CERS6: variants seen among roughly 807,000 people sequenced by gnomAD.
The protein encoded by CERS6 is LAG1 homolog, ceramide synthase 6.
CERS6 carries 26 observed loss-of-function variants against 56.8 expected under a neutral mutation model. The ratio of observed to expected loss-of-function variants is 0.46; its 90% CI spans 0.34 to 0.63. The LOEUF (loss-of-function observed/expected upper bound fraction) is 0.63. Among genes scored for constraint, CERS6 ranks in the 30% least tolerant of loss-of-function variants. CERS6 has a pLI of 0.01. For synonymous variants in CERS6, 164 were observed against 173.3 expected (o/e 0.95, Z 0.42); for missense variants, 415 against 467.5 (o/e 0.89, Z 1.04).
At chr2:168,476,515 A>G (rs980571129) in intron 1 of CERS6, among the ~76,000 whole-genome samples, 1 of 152,170 alleles carries the variant, frequency 6.6e-6, no homozygotes, top group African/African-American at 2.4e-5. Flanking sequence ...GATAGATTAG[A>G]TAGGAGATTT....
chr2:168,738,410 T>G (rs1207083462), intron 8 of CERS6, among the ~76,000 whole-genome samples: 2 of 152,244 alleles, frequency 1.3e-5, no homozygotes, highest in African/African-American at 4.8e-5. Flanking sequence ...ATAGTCACTT[T>G]ATGTTTCTGG....
At chr2:168,496,776 C>T (rs1398769599) in intron 1 of CERS6, among the ~76,000 whole-genome samples, 1 of 152,138 alleles carries the variant, frequency 6.6e-6, no homozygotes, top group African/African-American at 2.4e-5. Context: ...GATCAGTGAA[C>T]ATGATTGATG....
intron 6 of CERS6, among the ~76,000 whole-genome samples, chr2:168,704,302 G>C (rs1686878097): frequency 6.6e-6 from 1 of 152,058 alleles, no homozygotes; most frequent in Non-Finnish European, 1.5e-5. Flanking sequence ...CGGTGCTGCT[G>C]GTCTCGGGCT....
intron 8 of CERS6, among the ~76,000 whole-genome samples, chr2:168,756,493 G>T (rs1406244502): frequency 6.6e-6 from 1 of 152,128 alleles, no homozygotes; most frequent in Non-Finnish European, 1.5e-5. Flanking sequence ...GGGATTTAAG[G>T]GTCAAGTGGG....
chr2:168,631,517 C>A (rs1166851381), intron 4 of CERS6, among the ~76,000 whole-genome samples: 16 of 18,274 alleles, frequency 8.8e-4, no homozygotes, highest in East Asian at 1.8e-3. Flanking sequence ...TATATATAAA[C>A]TATTATATAA....
intron 1 of CERS6, among the ~76,000 whole-genome samples, chr2:168,541,092 C>T (rs184661061): frequency 2.1e-5 from 3 of 144,072 alleles, no homozygotes; most frequent in African/African-American, 7.7e-5. Context: ...GATCACATGG[C>T]AAGAGAGGCA....
chr2:168,564,933 CAAAT>C (rs765641067), intron 3 of CERS6, among the ~76,000 whole-genome samples: 4 of 152,170 alleles, frequency 2.6e-5, no homozygotes, highest in Admixed American at 6.5e-5. Flanking sequence ...AGGACTCTGC[CAAAT>C]AAATAATTTG....
At chr2:168,636,950 C>T (rs75863533) in intron 4 of CERS6, among the ~76,000 whole-genome samples, 2,992 of 152,206 alleles carry the variant, frequency 0.02, 108 homozygotes, top group East Asian at 0.16. Context: ...GTGACCTTTA[C>T]GCAAGCCTCT....
chr2:168,751,928 A>G (rs544710150), intron 8 of CERS6, among the ~76,000 whole-genome samples: 7 of 152,058 alleles, frequency 4.6e-5, no homozygotes, highest in Admixed American at 6.6e-5. Flanking sequence ...TGGAACACCT[A>G]TTATATTTAA....
chr2:168,728,545 C>T (rs1021340112), intron 8 of CERS6, among the ~76,000 whole-genome samples: 1 of 151,388 alleles, frequency 6.6e-6, no homozygotes. Context: ...ACCCACCACG[C>T]CCAGCTAATT....
chr2:168,466,605 G>A (rs899117945), intron 1 of CERS6, among the ~76,000 whole-genome samples: 1 of 152,156 alleles, frequency 6.6e-6, no homozygotes, highest in Non-Finnish European at 1.5e-5. Context: ...TTTAATGTTT[G>A]GTCATTGTAC....
At chr2:168,711,844 C>T (rs1687100125) in intron 6 of CERS6, among the ~76,000 whole-genome samples, 1 of 151,532 alleles carries the variant, frequency 6.6e-6, no homozygotes, top group African/African-American at 2.4e-5. Flanking sequence ...CATAATTGTT[C>T]AAGACACCTA....
At chr2:168,629,353 C>A (rs1168424849) in intron 3 of CERS6, among the ~76,000 whole-genome samples, 1 of 151,876 alleles carries the variant, frequency 6.6e-6, no homozygotes, top group Non-Finnish European at 1.5e-5. Context: ...AGGGGCCAGA[C>A]AAGGCAAATG....
chr2:168,550,471 CCTGGT>C (rs764407621), intron 2 of CERS6, among the ~76,000 whole-genome samples: 23 of 152,178 alleles, frequency 1.5e-4, no homozygotes, highest in Non-Finnish European at 3.2e-4. Context: ...AGCCACCATG[CCTGGT>C]CAAGGTGTTT....
chr2:168,760,518 A>G (rs368701836), intron 8 of CERS6, among the ~76,000 whole-genome samples: 3 of 152,228 alleles, frequency 2.0e-5, no homozygotes, highest in East Asian at 1.9e-4. Context: ...GCATCCTTCA[A>G]TCCAATCAAG....
At chr2:168,755,761 A>G (rs572377497) in intron 8 of CERS6, among the ~76,000 whole-genome samples, 2 of 152,272 alleles carry the variant, frequency 1.3e-5, no homozygotes, top group East Asian at 1.9e-4. Context: ...GCAGCTAGCA[A>G]TTCCCTCTCT....
chr2:168,711,634 TG>T (rs1687092270), intron 6 of CERS6, among the ~76,000 whole-genome samples: 1 of 150,114 alleles, frequency 6.7e-6, no homozygotes, highest in African/African-American at 2.5e-5. Flanking sequence ...CTTGGGTGGC[TG>T]AGGCACAAGA....
At chr2:168,548,200 TGAA>T (rs1488803309) in intron 2 of CERS6, among the ~76,000 whole-genome samples, 1 of 152,154 alleles carries the variant, frequency 6.6e-6, no homozygotes, top group Non-Finnish European at 1.5e-5. Flanking sequence ...CATGAAGTTA[TGAA>T]GAAGGAGGGT....
At chr2:168,619,605 A>G (rs570966659) in intron 3 of CERS6, among the ~76,000 whole-genome samples, 31 of 152,276 alleles carry the variant, frequency 2.0e-4, no homozygotes, top group Non-Finnish European at 2.2e-4. Context: ...AACAGGAAAA[A>G]ATGCTCAACA....
Sources: allele counts gnomAD v4.1 joint callset (sites outside exome capture counted in the v4.1 genomes callset), GRCh38; gene constraint gnomAD v4.1.1; transcripts MANE v1.5; gene names NCBI Gene and HGNC (gene_info 2026-07-23, HGNC 2026-07-21).